The following BANK1 variants were observed in gnomAD, a reference collection of about 807,000 sequenced individuals.
BANK1 encodes the protein B cell scaffold protein with ankyrin repeats 1.
BANK1 carries 95 observed loss-of-function variants against 94.5 expected under a neutral mutation model. That is an observed-to-expected ratio of 1.00 (90% CI 0.85 to 1.19). The LOEUF (loss-of-function observed/expected upper bound fraction) is 1.19, where lower values mean the gene tolerates loss of function less well. BANK1 is among the 50% of genes most tolerant of loss of function. The probability of loss-of-function intolerance (pLI) is 0.00; values close to 1 mark genes in which losing one functional copy is unlikely to be tolerated. For missense variants in BANK1, 987 were observed against 932.2 expected (o/e 1.06, Z -0.77); for synonymous variants, 334 against 308.4 (o/e 1.08, Z -0.87).
At chr4:101,882,435 T>C (rs1375087077) in intron 5 of BANK1, among the ~76,000 whole-genome samples, 1 of 152,214 alleles carries the variant, frequency 6.6e-6, no homozygotes, top group East Asian at 1.9e-4. Flanking sequence ...ACCATGTTAA[T>C]ACATTTCTTT....
intron 7 of BANK1, among the ~76,000 whole-genome samples, chr4:101,979,402 C>G (rs970621698): frequency 6.6e-6 from 1 of 151,864 alleles, no homozygotes; most frequent in Non-Finnish European, 1.5e-5. Context: ...TGTTATTGTT[C>G]TGAGTAGAAA....
At chr4:101,936,091 A>G (rs1723522625) in intron 7 of BANK1, among the ~76,000 whole-genome samples, 1 of 151,442 alleles carries the variant, frequency 6.6e-6, no homozygotes, top group African/African-American at 2.4e-5. Flanking sequence ...CAAAGGAAAC[A>G]ATAAGCAAAG....
intron 7 of BANK1, among the ~76,000 whole-genome samples, chr4:101,993,986 G>A (rs747770602): frequency 2.6e-5 from 4 of 152,194 alleles, no homozygotes; most frequent in Non-Finnish European, 5.9e-5. Context: ...AGAGGCCTAG[G>A]CCCTGACCCT....
At chr4:102,024,226 A>G (rs1260072359) in intron 8 of BANK1, among the ~76,000 whole-genome samples, 1 of 152,162 alleles carries the variant, frequency 6.6e-6, no homozygotes, top group Non-Finnish European at 1.5e-5. Context: ...ATTTTAAGCT[A>G]TATTTTAGCT....
intron 11 of BANK1, among the ~76,000 whole-genome samples, chr4:102,054,246 C>T (rs1477617850): frequency 1.3e-5 from 2 of 152,042 alleles, no homozygotes; most frequent in African/African-American, 4.8e-5. Context: ...TTCTGTTATA[C>T]TCTGAAGGCC....
chr4:101,950,370 A>T (rs964514512), intron 7 of BANK1, among the ~76,000 whole-genome samples: 2 of 152,128 alleles, frequency 1.3e-5, no homozygotes, highest in Non-Finnish European at 2.9e-5. Flanking sequence ...ATTTGCATAT[A>T]AAAGCTCTAT....
intron 5 of BANK1, among the ~76,000 whole-genome samples, chr4:101,871,516 C>T (rs775602488): frequency 2.0e-5 from 3 of 152,032 alleles, no homozygotes; most frequent in South Asian, 2.1e-4. Context: ...TCATGTGACA[C>T]ATTTTTCTAT....
chr4:101,972,633 G>A (rs1724994547), intron 7 of BANK1: 1 of 152,000 alleles, frequency 6.6e-6, no homozygotes, highest in Non-Finnish European at 1.5e-5. Flanking sequence ...ATGTTTAGCA[G>A]TCAGTAGTAT....
At chr4:102,041,326 T>G (rs1359883872) in intron 10 of BANK1, among the ~76,000 whole-genome samples, 2 of 152,092 alleles carry the variant, frequency 1.3e-5, no homozygotes, top group Non-Finnish European at 2.9e-5. Flanking sequence ...TCTAATGGAA[T>G]ATGTGTCCTT....
intron 7 of BANK1, among the ~76,000 whole-genome samples, chr4:102,007,683 A>G (rs930776589): frequency 1.3e-5 from 2 of 152,124 alleles, no homozygotes; most frequent in Admixed American, 1.3e-4. Context: ...TGAAAACGGT[A>G]ACATGTTCTA....
chr4:101,991,787 G>T (rs1298629631), intron 7 of BANK1, among the ~76,000 whole-genome samples: 1 of 152,198 alleles, frequency 6.6e-6, no homozygotes, highest in African/African-American at 2.4e-5. Flanking sequence ...CTATGGATTT[G>T]TCTATGTGTA....
intron 11 of BANK1, among the ~76,000 whole-genome samples, chr4:102,044,481 G>A (rs548294331): frequency 1.3e-4 from 19 of 149,436 alleles, no homozygotes; most frequent in Admixed American, 2.0e-4. Context: ...GAATAATGCC[G>A]CAATAAACAT....
At chr4:101,946,393 A>G (rs897048721) in intron 7 of BANK1, among the ~76,000 whole-genome samples, 2 of 151,962 alleles carry the variant, frequency 1.3e-5, no homozygotes, top group African/African-American at 4.8e-5. Context: ...ACTTAATCCT[A>G]TGTTTGGGAA....
intron 7 of BANK1, among the ~76,000 whole-genome samples, chr4:101,981,359 TATA>T (rs1222691521): frequency 6.6e-6 from 1 of 152,122 alleles, no homozygotes; most frequent in Non-Finnish European, 1.5e-5. Context: ...GACTAATTAA[TATA>T]ATAAAGTAGT....
Position 101,904,691 on chromosome 4 carries a change from T to G in BANK1, c.1009+9281T>G, listed in dbSNP as rs545374306. 2.0e-5 allele frequency among the ~76,000 whole-genome samples: 3 copies of G among 152,308 alleles called. No homozygotes were observed. In the South Asian group the frequency reaches 6.2e-4, roughly 32 times the overall value. ...TCTGGAATTAGAACTTGTGTTCCCA[T>G]TGTTGTAATAAATCTCTTCCCCATA... On this transcript the variant is annotated intron_variant, in intron 6 of 16. Transcript: ENST00000322953.
intron 1 of BANK1, among the ~76,000 whole-genome samples, chr4:101,816,370 G>A (rs1215006898): frequency 1.3e-5 from 2 of 152,084 alleles, no homozygotes; most frequent in Non-Finnish European, 2.9e-5. Flanking sequence ...TTTGTTCAAT[G>A]TAGTTCCATC....
chr4:101,805,524 A>T (rs1324436375), intron 1 of BANK1, among the ~76,000 whole-genome samples: 1 of 151,846 alleles, frequency 6.6e-6, no homozygotes, highest in Non-Finnish European at 1.5e-5. Flanking sequence ...ATAAAGCTGT[A>T]GCCGTTTCTG....
chr4:101,959,159 CAG>C (rs1724477734), intron 7 of BANK1, among the ~76,000 whole-genome samples: 1 of 149,660 alleles, frequency 6.7e-6, no homozygotes, highest in South Asian at 2.1e-4. Flanking sequence ...TTTTTTGAGA[CAG>C]AGTCTCACTC....
intron 1 of BANK1, among the ~76,000 whole-genome samples, chr4:101,807,501 A>T (rs1329467810): frequency 1.3e-5 from 2 of 152,184 alleles, no homozygotes; most frequent in African/African-American, 4.8e-5. Flanking sequence ...TTCTAAAAAG[A>T]AACTGACTTT....
Sources: allele counts gnomAD v4.1 joint callset (sites outside exome capture counted in the v4.1 genomes callset), GRCh38; gene constraint gnomAD v4.1.1; transcripts MANE v1.5; gene names NCBI Gene and HGNC (gene_info 2026-07-23, HGNC 2026-07-21).